CEP152: variants seen among roughly 807,000 people sequenced by gnomAD.
The protein encoded by CEP152 is centrosomal protein of 152 kDa.
In CEP152, 132 loss-of-function variants were observed where a neutral mutation model predicts 188.9. The ratio of observed to expected loss-of-function variants is 0.70; its 90% CI spans 0.61 to 0.81. CEP152 has a LOEUF of 0.81. Ranked by LOEUF, CEP152 falls within the 30% of genes least tolerant of loss-of-function variation. CEP152 has a pLI of 0.00. For synonymous variants in CEP152, 649 were observed against 666.6 expected (o/e 0.97, Z 0.41); for missense variants, 1,914 against 1,969.8 (o/e 0.97, Z 0.54).
chr15:48,739,379 A>G (rs1892803916), intron 26 of CEP152, 91 bp from the exon 27 acceptor site: 17 of 1,440,822 alleles, frequency 1.2e-5, no homozygotes, highest in Non-Finnish European at 1.5e-5. Flanking sequence ...AAAATTAAAA[A>G]TAAGAAAAAA....
chr15:48,793,426 C>T lies in CEP152; in HGVS notation c.727G>A (p.Val243Ile). 6.2e-7 allele frequency: 1 copy of T among 1,613,510 alleles called. No individual in the cohort carries two copies. The highest frequency in any genetic ancestry group is 8.5e-7 in the Non-Finnish European group (1 of 1,179,710). ...AENMQIIQLQ[V>I]LNKAKERQLE... ...TGTCTCTCTTTTGCTTTGTTAAGAA[C>T]CTGAAGTTGAATAATCTGCATATTT... The change falls in exon 7 of 27, where the codon GTT becomes ATT. Residue 243 changes from valine (V) to isoleucine (I), a missense_variant. Coordinates refer to ENST00000380950, the MANE Select transcript of CEP152 (RefSeq NM_001194998.2).
At chr15:48,801,347 T>G (rs1261899762) in intron 2 of CEP152, among the ~76,000 whole-genome samples, 1 of 152,178 alleles carries the variant, frequency 6.6e-6, no homozygotes, top group Non-Finnish European at 1.5e-5. Flanking sequence ...ATGGAAACCT[T>G]GCCTCTAAAA....
intron 22 of CEP152, among the ~76,000 whole-genome samples, chr15:48,747,694 A>G (rs984341767): frequency 1.3e-5 from 2 of 152,232 alleles, no homozygotes; most frequent in Admixed American, 1.3e-4. Context: ...AAATAGGACC[A>G]GCTCAGGAAT....
downstream of CEP152, among the ~76,000 whole-genome samples, chr15:48,734,810 T>C (rs139888849): frequency 2.6e-3 from 402 of 152,238 alleles, 2 homozygotes; most frequent in African/African-American, 9.5e-3. Context: ...AAAGGGCCAA[T>C]TCATCTGAAA....
intron 8 of CEP152, 69 bp downstream of exon 8, chr15:48,791,168 C>A: frequency 7.3e-7 from 1 of 1,376,332 alleles, no homozygotes. Context: ...TTTAGTCCTA[C>A]CCTACAAAAA....
chr15:48,792,226 G>A (rs1244789873), intron 7 of CEP152, among the ~76,000 whole-genome samples: 1 of 152,130 alleles, frequency 6.6e-6, no homozygotes, highest in Non-Finnish European at 1.5e-5. Flanking sequence ...TCCTGACCGC[G>A]TGACCCGCCC....
chr15:48,795,911 TAA>T, intron 6 of CEP152, 97 bp downstream of exon 6: 1 of 1,138,878 alleles, frequency 8.8e-7, no homozygotes, highest in Non-Finnish European at 1.3e-6. Context: ...TTGTCATACT[TAA>T]AAAATAATAA....
chr15:48,741,906 G>A (rs747869676), intron 25 of CEP152, 41 bp downstream of exon 25: 1 of 1,613,996 alleles, frequency 6.2e-7, no homozygotes. Flanking sequence ...ATAACATGTT[G>A]TCCTGGTAAT....
intron 24 of CEP152, among the ~76,000 whole-genome samples, chr15:48,742,847 T>A (rs1339285232): frequency 1.3e-5 from 2 of 151,974 alleles, no homozygotes; most frequent in African/African-American, 4.8e-5. Context: ...ACATCCTACA[T>A]CTAGAATTTC....
At chr15:48,757,522 G>A (rs759757735) in intron 19 of CEP152, among the ~76,000 whole-genome samples, 1 of 152,192 alleles carries the variant, frequency 6.6e-6, no homozygotes, top group Non-Finnish European at 1.5e-5. Context: ...TAAAGGAGTA[G>A]AGTAGATAAT....
At chr15:48,807,339 T>C (rs1898045685) in intron 1 of CEP152, among the ~76,000 whole-genome samples, 1 of 152,226 alleles carries the variant, frequency 6.6e-6, no homozygotes, top group African/African-American at 2.4e-5. Flanking sequence ...TAGATTTTTT[T>C]CCACTATGCA....
intron 7 of CEP152, 85 bp downstream of exon 7, chr15:48,793,236 C>T (rs1897096143): frequency 6.5e-7 from 1 of 1,536,334 alleles, no homozygotes; most frequent in Non-Finnish European, 9.0e-7. Flanking sequence ...TTTTTACTCT[C>T]TAAGCTTCGT....
Position 48,761,709 on chromosome 15 carries a change from A to G in CEP152, c.2562+682T>C, listed in dbSNP as rs559864029. On this transcript the variant is annotated intron_variant, in intron 18 of 26. Transcript: ENST00000380950. ...AAACAGAAGCTCTTTAGAGTCCCCA[A>G]TTTTTAAAATTGTAAAGGAGTCCTG... Among the ~76,000 whole-genome samples the G allele has an allele frequency of 1.4e-4, 21 of 152,284 alleles. No individual in the cohort carries two copies. In the East Asian group the frequency reaches 2.7e-3, roughly 20 times the overall value.
chr15:48,794,309 T>C (rs1453228330), intron 6 of CEP152, among the ~76,000 whole-genome samples: 1 of 152,196 alleles, frequency 6.6e-6, no homozygotes, highest in Non-Finnish European at 1.5e-5. Context: ...TACATAATGA[T>C]AAATATTCTA....
rs762050742 is a variant in CEP152, at chr15:48,768,257, T to C, written c.1980A>G (p.Val660=). The C allele has an allele frequency of 6.2e-7, 1 of 1,612,550 alleles. No homozygotes were observed. The highest frequency in any genetic ancestry group is 8.5e-7 in the Non-Finnish European group (1 of 1,178,514). ...QDLCNQMRQM[V]QDFDHDKQEA... ...CTTGTTTGTCATGGTCAAAATCTTG[T>C]ACCATTTGTCTCATTTGATTACATA... Residue 660 remains valine (V), a synonymous_variant, in exon 15 of 27, where the codon GTA becomes GTG. Coordinates refer to ENST00000380950, the MANE Select transcript of CEP152 (RefSeq NM_001194998.2).
In CEP152 at chr15:48,796,043, C is replaced by T. The variant is rs775907500; in HGVS notation, c.658G>A (p.Gly220Ser). 2 of 1,613,844 alleles carry T rather than the reference C, an allele frequency of 1.2e-6. No homozygotes were observed. Among genetic ancestry groups the T allele is most frequent in the Non-Finnish European group, 1.7e-6 (2 of 1,179,854 alleles). ...QEITGSDTFE[G>S]LQQQFLGANE... ...GCTCCTAAAAATTGTTGTTGCAGGC[C>T]TTCGAATGTGTCACTTCCTGTTATC... The change falls in exon 6 of 27, where the codon GGC becomes AGC. Residue 220 changes from glycine to serine, a missense_variant. Physicochemically the swap from Gly to Ser is moderately conservative, Grantham distance 56. Coordinates refer to ENST00000380950, the MANE Select transcript of CEP152 (RefSeq NM_001194998.2).
At chr15:48,799,011 G>A (rs977405585) in intron 2 of CEP152, among the ~76,000 whole-genome samples, 13 of 151,988 alleles carry the variant, frequency 8.6e-5, no homozygotes, top group African/African-American at 3.1e-4. Context: ...TACTTTTTAG[G>A]GAAACTGTTT....
rs368989356 is a variant in CEP152 at position 48,768,171 on chromosome 15, G to A, written c.2018+48C>T. The A allele has an allele frequency of 5.6e-6, 6 of 1,070,306 alleles. No individual in the cohort carries two copies. The African/African-American group carries it at 6.2e-5, about 11-fold the overall frequency. The allele number at this position is 1,070,306 out of a possible 1,614,324, so 66.3% of individuals were successfully genotyped here. A position where few individuals can be genotyped will look rare whatever the true frequency, so the allele number is the denominator to read the frequency against. On this transcript the variant is annotated intron_variant, in intron 15 of 26. Transcript: ENST00000380950. The stretch of plus-strand genomic sequence containing the variant: ...CACAGGGAAGGGCAGGGACTTAGAG[G>A]GGAAGGGTACCCAGGAGACAGTCGT...
chr15:48,772,528 G>T lies in CEP152; in HGVS notation c.1741C>A (p.Leu581Ile). The change falls in exon 13 of 27, where the codon CTC becomes ATC. Residue 581 changes from leucine to isoleucine, a missense_variant. Physicochemically the swap from Leu to Ile is conservative, Grantham distance 5. Coordinates refer to ENST00000380950, the MANE Select transcript of CEP152 (RefSeq NM_001194998.2). ...LKDCHKKIEDLHQVKKDEKSI... is the reference protein window; with the variant it reads ...LKDCHKKIEDIHQVKKDEKSI... ...TTTTCATCCTTCTTCACTTGGTGGAGATCTTCAATTTTCTTATGACAGTCT... is the reference window on the plus strand; with the variant it reads ...TTTTCATCCTTCTTCACTTGGTGGATATCTTCAATTTTCTTATGACAGTCT... The T allele has an allele frequency of 1.2e-6, 2 of 1,613,724 alleles. No homozygotes were observed. Among genetic ancestry groups the T allele is most frequent in the Non-Finnish European group, 8.5e-7 (1 of 1,180,016 alleles).
Sources: allele counts gnomAD v4.1 joint callset (sites outside exome capture counted in the v4.1 genomes callset), GRCh38; gene constraint gnomAD v4.1.1; transcripts MANE v1.5; gene names NCBI Gene and HGNC (gene_info 2026-07-23, HGNC 2026-07-21).